Variants in AGMO observed in about 807,000 individuals in gnomAD.
The protein encoded by AGMO is glyceryl-ether monooxygenase.
Under a neutral mutation model 60.2 loss-of-function variants are expected in AGMO, and 75 were observed. That is an observed-to-expected ratio of 1.25 (90% confidence interval 1.03 to 1.51). The LOEUF (loss-of-function observed/expected upper bound fraction) is 1.51. AGMO is among the 40% of genes most tolerant of loss of function. AGMO has a pLI of 0.00. For synonymous variants in AGMO, 261 were observed against 177.1 expected (o/e 1.47, Z -3.76); for missense variants, 763 against 525.5 (o/e 1.45, Z -4.42).
chr7:15,344,990 C>T (rs1334958689), intron 12 of AGMO, among the ~76,000 whole-genome samples: 3 of 152,130 alleles, frequency 2.0e-5, no homozygotes, highest in African/African-American at 7.2e-5. Flanking sequence ...TGGCTCTATC[C>T]TTACAGTGAC....
At chr7:15,475,769 A>T (rs966664602) in intron 3 of AGMO, among the ~76,000 whole-genome samples, 4 of 152,120 alleles carry the variant, frequency 2.6e-5, no homozygotes, top group East Asian at 3.9e-4. Context: ...AGATTTTTTT[A>T]AAATGCAACT....
chr7:15,236,099 G>A (rs1563048417), intron 12 of AGMO, among the ~76,000 whole-genome samples: 1 of 152,092 alleles, frequency 6.6e-6, no homozygotes, highest in Non-Finnish European at 1.5e-5. Context: ...AGCAAGAGGG[G>A]AAAGCACAAG....
intron 5 of AGMO, among the ~76,000 whole-genome samples, chr7:15,401,104 A>C (rs986647650): frequency 3.3e-5 from 5 of 152,110 alleles, no homozygotes; most frequent in East Asian, 1.9e-4. Context: ...AATTTTTTTC[A>C]TGATACAATT....
Position 15,350,270 on chromosome 7 carries a change from AT to A in AGMO, c.1263+15243del, listed in dbSNP as rs1318562581. Among the ~76,000 whole-genome samples, 59 of 152,298 alleles carry A rather than the reference AT, an allele frequency of 3.9e-4. 1 individual carries two copies. The highest frequency in any genetic ancestry group is 1.9e-3 in the East Asian group (10 of 5,176). ...TATACCTTCTTGTGCTGTACATTAAATCAAATAAAATTATGTATAAATATTG... is the reference window on the plus strand; with the variant it reads ...TATACCTTCTTGTGCTGTACATTAAACAAATAAAATTATGTATAAATATTG... On this transcript the variant is annotated intron_variant, in intron 12 of 12. Transcript: ENST00000342526.
At chr7:15,279,478 TA>T (rs1221525322) in intron 12 of AGMO, among the ~76,000 whole-genome samples, 2 of 152,166 alleles carry the variant, frequency 1.3e-5, no homozygotes, top group East Asian at 3.9e-4. Context: ...TGTTTTTTTT[TA>T]TTTTTTTTAA....
intron 4 of AGMO, among the ~76,000 whole-genome samples, chr7:15,424,360 C>T (rs1317422177): frequency 1.3e-5 from 2 of 152,222 alleles, no homozygotes; most frequent in Middle Eastern, 3.4e-3. Flanking sequence ...ATAATAAGAA[C>T]AATGACACAT....
intron 5 of AGMO, among the ~76,000 whole-genome samples, chr7:15,399,918 C>T (rs1187310101): frequency 6.6e-6 from 1 of 152,186 alleles, no homozygotes; most frequent in African/African-American, 2.4e-5. Flanking sequence ...CCTTAACCTT[C>T]TATCTTACCT....
intron 10 of AGMO, among the ~76,000 whole-genome samples, chr7:15,379,347 T>A (rs1783583814): frequency 6.6e-6 from 1 of 151,892 alleles, no homozygotes; most frequent in Non-Finnish European, 1.5e-5. Flanking sequence ...GGGAAAACAT[T>A]AATCAAGTAG....
the AGMO span, among the ~76,000 whole-genome samples, chr7:15,186,803 C>T: frequency 9.2e-5 from 14 of 152,186 alleles, no homozygotes; most frequent in Admixed American, 3.9e-4. Context: ...ATGCTTCCTT[C>T]TCATTCCACT....
chr7:15,531,031 A>G (rs1251553785), intron 3 of AGMO, among the ~76,000 whole-genome samples: 19,033 of 65,112 alleles, frequency 0.29, 7,364 homozygotes, highest in East Asian at 0.46. Flanking sequence ...TATATTCCAT[A>G]TATATTCTAT....
intron 3 of AGMO, among the ~76,000 whole-genome samples, chr7:15,494,762 C>T (rs893456801): frequency 2.6e-5 from 4 of 152,202 alleles, no homozygotes; most frequent in African/African-American, 9.6e-5. Flanking sequence ...CCATTTTGCA[C>T]AAGCATAGAA....
chr7:15,376,807 A>G (rs1453307979), intron 10 of AGMO, among the ~76,000 whole-genome samples: 2 of 152,108 alleles, frequency 1.3e-5, no homozygotes, highest in South Asian at 4.1e-4. Context: ...AAGGATTACT[A>G]AACCAAAATC....
rs547478833 is a variant in AGMO, at chr7:15,317,940, T to C, written c.1263+47574A>G. ...ATATACACACACGTATATATATATA[T>C]ACACACACACACACTATATATATAT... is the stretch of plus-strand genomic sequence containing the variant. On this transcript the variant is annotated intron_variant, in intron 12 of 12. Coordinates refer to ENST00000342526, the MANE Select transcript of AGMO (RefSeq NM_001004320.2). Among the ~76,000 whole-genome samples, 988 of 140,500 alleles carry C rather than the reference T, an allele frequency of 7.0e-3. 7 individuals are homozygous for C. The highest frequency in any genetic ancestry group is 0.011 in the African/African-American group (399 of 37,690). The allele number at this position is 140,500 out of a possible 152,430, so 92.2% of individuals were successfully genotyped here. A position where few individuals can be genotyped will look rare whatever the true frequency, so the allele number is the denominator to read the frequency against.
rs1447586246 is a variant in AGMO, at chr7:15,476,817, C to G, written c.410-45709G>C. Among the ~76,000 whole-genome samples, 6 of 152,038 alleles carry G rather than the reference C, an allele frequency of 3.9e-5. No homozygotes were observed. In the East Asian group the frequency reaches 1.2e-3, roughly 29 times the overall value. On this transcript the variant is annotated intron_variant, in intron 3 of 12. Transcript: ENST00000342526. ...ATCAGTTGAAGGACTTTGCCTGTCACAGAATTTAATTCAGCCCTCTGAGGC... is the reference window on the plus strand; with the variant it reads ...ATCAGTTGAAGGACTTTGCCTGTCAGAGAATTTAATTCAGCCCTCTGAGGC...
the AGMO span, among the ~76,000 whole-genome samples, chr7:15,186,721 G>A: frequency 1.3e-5 from 2 of 152,086 alleles, no homozygotes; most frequent in African/African-American, 4.8e-5. Flanking sequence ...CTAAAGGTTA[G>A]GCAATTCAGT....
chr7:15,166,061 G>A, the AGMO span, among the ~76,000 whole-genome samples: 5 of 152,074 alleles, frequency 3.3e-5, no homozygotes, highest in Non-Finnish European at 7.3e-5. Context: ...AACAGACAAC[G>A]ACCCCAGGCC....
intron 12 of AGMO, among the ~76,000 whole-genome samples, chr7:15,255,393 C>T (rs1783065600): frequency 6.6e-6 from 1 of 151,998 alleles, no homozygotes; most frequent in Non-Finnish European, 1.5e-5. Context: ...GATATTTTCG[C>T]TGCCGAATTG....
At chr7:15,164,872 C>T in the AGMO span, among the ~76,000 whole-genome samples, 1 of 151,760 alleles carries the variant, frequency 6.6e-6, no homozygotes, top group African/African-American at 2.4e-5. Flanking sequence ...TACCATTCAA[C>T]TCAGCAATCC....
chr7:15,261,282 C>A (rs985396419), intron 12 of AGMO, among the ~76,000 whole-genome samples: 1 of 151,796 alleles, frequency 6.6e-6, no homozygotes, highest in South Asian at 2.1e-4. Context: ...AAAAGAGAGA[C>A]GATCCAAATA....
Sources: allele counts gnomAD v4.1 joint callset (sites outside exome capture counted in the v4.1 genomes callset), GRCh38; gene constraint gnomAD v4.1.1; transcripts MANE v1.5; gene names NCBI Gene and HGNC (gene_info 2026-07-23, HGNC 2026-07-21).